The following MTUS2 variants were observed in gnomAD, a reference collection of about 807,000 sequenced individuals.
MTUS2 encodes microtubule-associated tumor suppressor candidate 2.
MTUS2 carries 40 observed loss-of-function variants against 114.1 expected under a neutral mutation model. The observed-to-expected ratio is 0.35, with a 90% CI of 0.27 to 0.46. MTUS2 has a LOEUF of 0.46. Among genes scored for constraint, MTUS2 ranks in the 20% least tolerant of loss-of-function variants. The pLI, the probability that MTUS2 is intolerant of heterozygous loss-of-function variation, is 1.00. For synonymous variants in MTUS2, 688 were observed against 672.0 expected (o/e 1.02, Z -0.37); for missense variants, 1,679 against 1,705.4 (o/e 0.98, Z 0.27).
At chr13:29,248,401 G>GA (rs1193600980) in intron 5 of MTUS2, among the ~76,000 whole-genome samples, 1 of 151,918 alleles carries the variant, frequency 6.6e-6, no homozygotes, top group Non-Finnish European at 1.5e-5. Flanking sequence ...ATAAAAAAAA[G>GA]AAAAATCCGT....
At chr13:29,298,192 A>G (rs2992395) in intron 6 of MTUS2, among the ~76,000 whole-genome samples, 110,332 of 152,000 alleles carry the variant, frequency 0.73, 40,263 homozygotes, top group South Asian at 0.78. Flanking sequence ...TGTCATATTG[A>G]TATGATGCGT....
At chr13:29,128,328 C>T (rs577040217) in intron 5 of MTUS2, among the ~76,000 whole-genome samples, 15 of 152,086 alleles carry the variant, frequency 9.9e-5, no homozygotes, top group Admixed American at 2.6e-4. Flanking sequence ...TAATAGGCGG[C>T]AAAGGGAGTG....
Position 29,025,552 on chromosome 13 carries a change from A to G in MTUS2, c.854A>G (p.Asn285Ser). 2 of 1,613,952 alleles carry G rather than the reference A, an allele frequency of 1.2e-6. No homozygotes were observed. The highest frequency in any genetic ancestry group is 1.7e-6 in the Non-Finnish European group (2 of 1,179,852). The change falls in exon 3 of 16, where the codon AAT becomes AGT. Residue 285 changes from asparagine to serine, a missense_variant. Physicochemically the swap from Asn to Ser is conservative, Grantham distance 46. Around this residue, in one of 3 missense-constraint regions of MTUS2, gnomAD observed 843 missense variants for 770.8 expected, o/e 1.09. Coordinates refer to ENST00000612955, the MANE Select transcript of MTUS2 (RefSeq NM_001033602.4). Reference protein sequence around the residue: ...SHSAHPEPALNLTLASKEIPS... With the variant: ...SHSAHPEPALSLTLASKEIPS... ...TCCGCCCATCCAGAGCCTGCTCTGA[A>G]TTTGACTTTGGCATCGAAGGAAATC...
At chr13:29,112,328 C>T (rs1205292279) in intron 5 of MTUS2, among the ~76,000 whole-genome samples, 1 of 152,096 alleles carries the variant, frequency 6.6e-6, no homozygotes, top group Non-Finnish European at 1.5e-5. Flanking sequence ...ATCACCAAAG[C>T]TGAGGGAGAG....
chr13:29,121,709 C>T (rs932207179), intron 5 of MTUS2, among the ~76,000 whole-genome samples: 15 of 151,106 alleles, frequency 9.9e-5, no homozygotes, highest in South Asian at 4.2e-4. Context: ...CTGGCTGGAG[C>T]GCAATGGCAT....
At chr13:28,924,985 G>A (rs750642825) in intron 2 of MTUS2, among the ~76,000 whole-genome samples, 3 of 151,860 alleles carry the variant, frequency 2.0e-5, no homozygotes, top group Non-Finnish European at 4.4e-5. Flanking sequence ...TGTTCCATTA[G>A]TAAGACTGAT....
intron 1 of MTUS2, among the ~76,000 whole-genome samples, chr13:28,832,250 A>G (rs1373418263): frequency 6.6e-6 from 1 of 152,226 alleles, no homozygotes; most frequent in Admixed American, 6.5e-5. Context: ...ATTCTTTAAA[A>G]TAGACTATGT....
At chr13:29,493,501 T>A (rs964023464) in intron 12 of MTUS2, among the ~76,000 whole-genome samples, 2 of 152,104 alleles carry the variant, frequency 1.3e-5, no homozygotes, top group African/African-American at 4.8e-5. Flanking sequence ...GGGAGGTGAA[T>A]CCCATAGCTG....
intron 5 of MTUS2, among the ~76,000 whole-genome samples, chr13:29,123,490 G>A (rs755040857): frequency 1.3e-5 from 2 of 152,128 alleles, no homozygotes; most frequent in Non-Finnish European, 2.9e-5. Context: ...GCCGAGAATA[G>A]CGGACCACTT....
intron 5 of MTUS2, among the ~76,000 whole-genome samples, chr13:29,237,346 A>G (rs1054636099): frequency 6.6e-6 from 1 of 152,004 alleles, no homozygotes; most frequent in Non-Finnish European, 1.5e-5. Flanking sequence ...TTTTTGGGTC[A>G]TTTCTCAGCC....
At chr13:28,867,477 A>G (rs1566186495) in intron 2 of MTUS2, among the ~76,000 whole-genome samples, 1 of 152,212 alleles carries the variant, frequency 6.6e-6, no homozygotes. Context: ...ACCTCAGTAA[A>G]TCTCTTGAGC....
intron 5 of MTUS2, among the ~76,000 whole-genome samples, chr13:29,174,016 A>T (rs1428883922): frequency 6.6e-6 from 1 of 152,128 alleles, no homozygotes; most frequent in Non-Finnish European, 1.5e-5. Flanking sequence ...TAGAAGGCAT[A>T]TTGTGACATT....
rs770716551 is a variant in MTUS2, at chr13:29,501,082, C to T, written c.3799-15C>T. On this transcript the variant is annotated splice_polypyrimidine_tract_variant and intron_variant, in intron 14 of 15. Coordinates refer to ENST00000612955, the MANE Select transcript of MTUS2 (RefSeq NM_001033602.4). ...TGGCCTTGCTAGAACCTCTTAAACA[C>T]TGTTTCCTTTGTAGGCAGAAAAGAA... is the stretch of plus-strand genomic sequence containing the variant. 6.2e-7 allele frequency: 1 copy of T among 1,611,452 alleles called. No individual in the cohort carries two copies. Among genetic ancestry groups the T allele is most frequent in the South Asian group, 1.1e-5 (1 of 90,954 alleles).
chr13:29,133,615 C>T (rs1218411599), intron 5 of MTUS2, among the ~76,000 whole-genome samples: 1 of 152,156 alleles, frequency 6.6e-6, no homozygotes, highest in Non-Finnish European at 1.5e-5. Context: ...GATTTCCCTC[C>T]CCCCATTGAA....
chr13:29,065,332 T>C (rs764108547), intron 4 of MTUS2, among the ~76,000 whole-genome samples: 45 of 152,218 alleles, frequency 3.0e-4, no homozygotes, highest in Admixed American at 2.9e-3. Context: ...CTGACTGGTG[T>C]AAGATGGTAT....
chr13:29,342,500 A>T (rs1282066567), intron 7 of MTUS2, among the ~76,000 whole-genome samples: 1 of 151,980 alleles, frequency 6.6e-6, no homozygotes, highest in Non-Finnish European at 1.5e-5. Context: ...ATTTGTGTAT[A>T]TTGATTTTGT....
At chr13:29,137,783 A>ATTTTTTTTTTTTT (rs11288473) in intron 5 of MTUS2, among the ~76,000 whole-genome samples, 1 of 144,520 alleles carries the variant, frequency 6.9e-6, no homozygotes, top group Non-Finnish European at 1.5e-5. Context: ...TGCCTGGTTA[A>ATTTTTTTTTTTTT]TTTTTTTTTT....
chr13:28,951,879 G>A lies in MTUS2; in HGVS notation c.-242-72578G>A, dbSNP rs140515488. On this transcript the variant is annotated intron_variant, in intron 2 of 15. Transcript: ENST00000612955. The stretch of plus-strand genomic sequence containing the variant: ...AAACCAAGATGAAGCATCTGACTTG[G>A]TATGATATCTGTTAGTAGGTGATGC... Among the ~76,000 whole-genome samples the A allele has an allele frequency of 9.6e-3, 1,467 of 152,232 alleles. 23 individuals are homozygous for A. Among genetic ancestry groups the A allele is most frequent in the African/African-American group, 0.032 (1,335 of 41,538 alleles).
intron 7 of MTUS2, among the ~76,000 whole-genome samples, chr13:29,338,453 G>T (rs1251264425): frequency 6.6e-6 from 1 of 152,104 alleles, no homozygotes; most frequent in African/African-American, 2.4e-5. Flanking sequence ...AGCTGGGCGT[G>T]GCGGCGTGAG....
Sources: gnomAD v4.1 joint callset for allele counts (sites outside exome capture counted in the v4.1 genomes callset) on GRCh38, gnomAD v4.1.1 for gene constraint, gnomAD v4.1.1 regional missense constraint, MANE v1.5 for transcripts, NCBI Gene and HGNC (gene_info 2026-07-23, HGNC 2026-07-21) for gene names.